Variants in DACH1 observed in about 807,000 individuals in gnomAD.
DACH1 encodes the protein dachshund homolog 1.
A neutral mutation model predicts 54.2 loss-of-function variants in DACH1; 12 were observed. That is an observed-to-expected ratio of 0.22 (90% confidence interval 0.14 to 0.36). The LOEUF is 0.36. Ranked by LOEUF, DACH1 falls within the 10% of genes least tolerant of loss-of-function variation. The pLI, the probability that DACH1 is intolerant of heterozygous loss-of-function variation, is 1.00. For synonymous variants in DACH1, 386 were observed against 366.2 expected (o/e 1.05, Z -0.62); for missense variants, 805 against 929.8 (o/e 0.87, Z 1.75).
At chr13:71,577,716 T>A (rs187886386) in intron 3 of DACH1, among the ~76,000 whole-genome samples, 41 of 152,290 alleles carry the variant, frequency 2.7e-4, no homozygotes, top group African/African-American at 9.9e-4. Flanking sequence ...TTTTAGTAAC[T>A]GGTTCTTGTA....
intron 1 of DACH1, among the ~76,000 whole-genome samples, chr13:71,752,275 T>C (rs948360243): frequency 6.6e-6 from 1 of 152,182 alleles, no homozygotes; most frequent in African/African-American, 2.4e-5. Context: ...AAATACATCA[T>C]ATATTTGCAT....
At chr13:71,516,695 A>G (rs990597594) in intron 6 of DACH1, among the ~76,000 whole-genome samples, 1 of 151,864 alleles carries the variant, frequency 6.6e-6, no homozygotes, top group Non-Finnish European at 1.5e-5. Flanking sequence ...GTCAAGTACA[A>G]CAGCCGCTCC....
intron 10 of DACH1, among the ~76,000 whole-genome samples, chr13:71,442,577 T>C (rs1480395360): frequency 6.6e-6 from 1 of 151,954 alleles, no homozygotes; most frequent in Admixed American, 6.6e-5. Context: ...GTATACAGAG[T>C]CCTCCCTTTT....
intron 6 of DACH1, among the ~76,000 whole-genome samples, chr13:71,532,890 G>A (rs1031834281): frequency 1.3e-5 from 2 of 151,492 alleles, no homozygotes; most frequent in Non-Finnish European, 3.0e-5. Flanking sequence ...AATATACAAG[G>A]CTAGGCCTAA....
At chr13:71,517,404 G>A (rs984282827) in intron 6 of DACH1, among the ~76,000 whole-genome samples, 6 of 151,756 alleles carry the variant, frequency 4.0e-5, no homozygotes, top group African/African-American at 4.8e-5. Flanking sequence ...TTCAAATAAT[G>A]GTTGTCAACA....
At chr13:71,512,470 A>C (rs1216046105) in intron 6 of DACH1, among the ~76,000 whole-genome samples, 4 of 151,948 alleles carry the variant, frequency 2.6e-5, no homozygotes, top group Non-Finnish European at 5.9e-5. Flanking sequence ...AAATACTAAA[A>C]CAGAGGAGAA....
At chr13:71,750,523 G>T (rs1594175770) in intron 1 of DACH1, among the ~76,000 whole-genome samples, 1 of 152,126 alleles carries the variant, frequency 6.6e-6, no homozygotes, top group African/African-American at 2.4e-5. Flanking sequence ...GTCTTAGCTA[G>T]AGTATATTAT....
intron 3 of DACH1, among the ~76,000 whole-genome samples, chr13:71,590,213 C>T (rs944443629): frequency 6.6e-6 from 1 of 151,892 alleles, no homozygotes; most frequent in Admixed American, 6.6e-5. Flanking sequence ...TATAAGCTCA[C>T]AAAAAATCAT....
At chr13:71,725,532 T>C (rs937946227) in intron 1 of DACH1, among the ~76,000 whole-genome samples, 1 of 152,098 alleles carries the variant, frequency 6.6e-6, no homozygotes, top group Non-Finnish European at 1.5e-5. Context: ...TAAAGCTAGC[T>C]AAATCTTGAT....
chr13:71,487,274 C>T (rs1414714078), intron 7 of DACH1, among the ~76,000 whole-genome samples: 2 of 152,074 alleles, frequency 1.3e-5, no homozygotes, highest in African/African-American at 4.8e-5. Flanking sequence ...CTTTTATCTA[C>T]TCTTTTGAAA....
chr13:71,452,198 C>T (rs1431962543), intron 10 of DACH1, among the ~76,000 whole-genome samples: 2 of 152,092 alleles, frequency 1.3e-5, no homozygotes, highest in Non-Finnish European at 2.9e-5. Flanking sequence ...GGCACTATCT[C>T]ATCTCACTGC....
chr13:71,748,846 C>CTT (rs1258177592), intron 1 of DACH1, among the ~76,000 whole-genome samples: 13 of 27,946 alleles, frequency 4.7e-4, no homozygotes, highest in African/African-American at 1.1e-3. Flanking sequence ...TATTTTTTCT[C>CTT]TTTCTTTCTT....
intron 1 of DACH1, among the ~76,000 whole-genome samples, chr13:71,827,317 C>T (rs1176304406): frequency 6.6e-5 from 10 of 152,030 alleles, no homozygotes; most frequent in Non-Finnish European, 1.3e-4. Flanking sequence ...ACTAGATCAC[C>T]TCCTGTTATA....
rs935676314 is a variant in DACH1 at position 71,499,193 on chromosome 13, C to T, written c.1571-10045G>A. On this transcript the variant is annotated intron_variant, in intron 6 of 10. Transcript: ENST00000613252. ...TTTCAAATATTTTGGGTTGCATTCACATCTGCTTGACATAAGTCATCAGTG... is the reference window on the plus strand; with the variant it reads ...TTTCAAATATTTTGGGTTGCATTCATATCTGCTTGACATAAGTCATCAGTG... 3.8e-4 allele frequency among the ~76,000 whole-genome samples: 6 copies of T among 15,788 alleles called. No individual in the cohort carries two copies. The Non-Finnish European group carries it at 0.014, about 37-fold the overall frequency. The allele number at this position is 15,788 out of a possible 152,430, so 10.4% of individuals were successfully genotyped here. A position where few individuals can be genotyped will look rare whatever the true frequency, so the allele number is the denominator to read the frequency against.
intron 1 of DACH1, among the ~76,000 whole-genome samples, chr13:71,852,086 G>A (rs1442395194): frequency 6.6e-6 from 1 of 152,150 alleles, no homozygotes; most frequent in Non-Finnish European, 1.5e-5. Flanking sequence ...TCTAATCACT[G>A]TTGAAATCAC....
At chr13:71,850,154 C>T (rs1292176050) in intron 1 of DACH1, among the ~76,000 whole-genome samples, 1 of 152,190 alleles carries the variant, frequency 6.6e-6, no homozygotes, top group African/African-American at 2.4e-5. Flanking sequence ...ACATTTGGTA[C>T]AAAACTTCCT....
intron 1 of DACH1, among the ~76,000 whole-genome samples, chr13:71,865,676 C>A (rs1175704743): frequency 2.6e-5 from 4 of 152,128 alleles, no homozygotes; most frequent in African/African-American, 9.6e-5. Flanking sequence ...AGCAGCCCAT[C>A]CCCGGGACCC....
chr13:71,438,550 A>G lies in DACH1; in HGVS notation c.*2105T>C, dbSNP rs1873712597. ...TTTATTTCAAATCAAACACTAAAGC[A>G]TTCTCAAAGGTCTTCAAATATGTAT... On this transcript the variant is annotated 3_prime_UTR_variant, in exon 11 of 11. Coordinates refer to ENST00000613252, the MANE Select transcript of DACH1 (RefSeq NM_080759.6). 1 of 152,222 alleles carries G rather than the reference A, an allele frequency of 6.6e-6. No homozygotes were observed. Among genetic ancestry groups the G allele is most frequent in the African/African-American group, 2.4e-5 (1 of 41,394 alleles). 9.4% of individuals were successfully genotyped at this position (152,222 alleles called of 1,614,324 possible). A position where few individuals can be genotyped will look rare whatever the true frequency, so the allele number is the denominator to read the frequency against.
intron 10 of DACH1, among the ~76,000 whole-genome samples, chr13:71,446,256 G>A (rs899580458): frequency 6.6e-5 from 10 of 152,052 alleles, no homozygotes; most frequent in African/African-American, 2.4e-4. Flanking sequence ...CATTGTCTTT[G>A]GTTCTTTCTG....
Sources: allele counts gnomAD v4.1 joint callset (sites outside exome capture counted in the v4.1 genomes callset), GRCh38; gene constraint gnomAD v4.1.1; transcripts MANE v1.5; gene names NCBI Gene and HGNC (gene_info 2026-07-23, HGNC 2026-07-21).